Variants in UGT2A2 observed in about 807,000 individuals in gnomAD.
UGT2A2 encodes the protein UDP glucuronosyltransferase family 2 member A2.
UGT2A2 carries 60 observed loss-of-function variants against 50.7 expected under a neutral mutation model. The ratio of observed to expected loss-of-function variants is 1.18; its 90% CI spans 0.96 to 1.47. The LOEUF (loss-of-function observed/expected upper bound fraction) is 1.47, where lower values mean the gene tolerates loss of function less well. Ranked by LOEUF, UGT2A2 falls within the 40% of genes most tolerant of loss-of-function variation. The pLI is 0.00. For missense variants in UGT2A2, 762 were observed against 634.0 expected, an observed-to-expected ratio of 1.20 and a Z score of -2.17; for synonymous variants, 242 against 214.6, an observed-to-expected ratio of 1.13 and a Z score of -1.11.
In UGT2A2 at chr4:69,596,448, C is replaced by G. The variant is rs999261532; in HGVS notation, c.892-67G>C. On this transcript the variant is annotated intron_variant, in intron 2 of 5. Coordinates refer to ENST00000604629, the MANE Select transcript of UGT2A2 (RefSeq NM_001105677.2). The stretch of plus-strand genomic sequence containing the variant: ...ATAAGAAAAAATAAGTTTACTTACA[C>G]ATTTAAGTAGGTAAAATTAAGATAT... The G allele has an allele frequency of 3.6e-6, 5 of 1,408,046 alleles. No individual in the cohort carries two copies. The Admixed American group carries it at 1.3e-4, about 36-fold the overall frequency. 87.2% of individuals were successfully genotyped at this position (1,408,046 alleles called of 1,614,324 possible).
chr4:69,617,016 T>G (rs1173912525), intron 1 of UGT2A2, among the ~76,000 whole-genome samples: 2 of 151,872 alleles, frequency 1.3e-5, no homozygotes, highest in Non-Finnish European at 2.9e-5. Context: ...AATATGTAGC[T>G]GGTGGAAATA....
At chr4:69,618,254 G>A (rs1720535247) in intron 1 of UGT2A2, among the ~76,000 whole-genome samples, 2 of 120,610 alleles carry the variant, frequency 1.7e-5, no homozygotes, top group Non-Finnish European at 3.6e-5. Context: ...TGTGTTGAAG[G>A]GGGAAGAATG....
At chr4:69,597,733 CACAA>C (rs970183907) in intron 2 of UGT2A2, among the ~76,000 whole-genome samples, 29 of 152,014 alleles carry the variant, frequency 1.9e-4, no homozygotes, top group African/African-American at 6.3e-4. Context: ...CACACACACA[CACAA>C]ACATACACAT....
In UGT2A2 at chr4:69,639,628, T is replaced by C. The variant is rs1204020648; in HGVS notation, c.13A>G (p.Arg5Gly). ...AACTTCTTAGGCATGGTAAAATCCCTTATGGAAACCATCCTACTGTAGATC... is the reference window on the plus strand; with the variant it reads ...AACTTCTTAGGCATGGTAAAATCCCCTATGGAAACCATCCTACTGTAGATC... MVSI[R>G]DFTMPKKFVQ... The change falls in exon 1 of 6, where the codon AGG becomes GGG. Residue 5 changes from arginine (R) to glycine (G), a missense_variant. Physicochemically the swap from Arg to Gly is moderately radical, Grantham distance 125. Transcript: ENST00000604629. 3 of 1,582,202 alleles carry C rather than the reference T, an allele frequency of 1.9e-6. No homozygotes were observed. Among genetic ancestry groups the C allele is most frequent in the Non-Finnish European group, 2.6e-6 (3 of 1,168,584 alleles).
chr4:69,637,184 T>C (rs578252074), intron 1 of UGT2A2, among the ~76,000 whole-genome samples: 9 of 152,166 alleles, frequency 5.9e-5, no homozygotes, highest in African/African-American at 9.6e-5. Context: ...GGTTAAATTA[T>C]GCCTTAAAGG....
chr4:69,626,038 C>T (rs568692903), intron 1 of UGT2A2, among the ~76,000 whole-genome samples: 2 of 151,652 alleles, frequency 1.3e-5, no homozygotes, highest in South Asian at 4.1e-4. Context: ...TATGTCATGA[C>T]TGTGAACTTG....
intron 1 of UGT2A2, among the ~76,000 whole-genome samples, chr4:69,638,241 G>C (rs745859579): frequency 2.6e-5 from 4 of 152,064 alleles, no homozygotes; most frequent in Non-Finnish European, 5.9e-5. Context: ...AAAATATAAA[G>C]GGAGGCTCAT....
intron 1 of UGT2A2, among the ~76,000 whole-genome samples, chr4:69,606,604 A>G (rs1409988542): frequency 7.3e-6 from 1 of 136,818 alleles, no homozygotes; most frequent in Non-Finnish European, 1.6e-5. Context: ...AATAAAGGGT[A>G]TTCAATTAGG....
intron 1 of UGT2A2, among the ~76,000 whole-genome samples, chr4:69,622,559 A>G (rs150587793): frequency 1.1e-3 from 160 of 151,888 alleles, no homozygotes; most frequent in African/African-American, 3.8e-3. Context: ...AATCTATATA[A>G]TGGATACAAT....
At chr4:69,626,953 G>A (rs1278789750) in intron 1 of UGT2A2, among the ~76,000 whole-genome samples, 1 of 151,534 alleles carries the variant, frequency 6.6e-6, no homozygotes, top group Non-Finnish European at 1.5e-5. Context: ...GTTTAGACTC[G>A]ACTTCTGTTT....
chr4:69,596,512 G>T, intron 2 of UGT2A2, 131 bp from the exon 3 acceptor site: 1 of 1,247,586 alleles, frequency 8.0e-7, no homozygotes, highest in Non-Finnish European at 1.0e-6. Flanking sequence ...CTTCTGACAT[G>T]TAGAAAGATC....
chr4:69,638,764 A>G lies in UGT2A2; in HGVS notation c.742+135T>C, dbSNP rs1721865975. On this transcript the variant is annotated intron_variant, in intron 1 of 5. Transcript: ENST00000604629. ...TTTATTCAAAGAGAATAATCAGGGA[A>G]TTGTTTGTACAGAGATATAAGAAGT... 2.7e-6 allele frequency: 3 copies of G among 1,117,428 alleles called. No individual in the cohort carries two copies. The African/African-American group carries it at 4.7e-5, about 18-fold the overall frequency. The allele number at this position is 1,117,428 out of a possible 1,614,324, so 69.2% of individuals were successfully genotyped here. A position where few individuals can be genotyped will look rare whatever the true frequency, so the allele number is the denominator to read the frequency against.
At chr4:69,603,445 G>T (rs1012043221) in intron 1 of UGT2A2, 1 of 136,930 alleles carries the variant, frequency 7.3e-6, no homozygotes, top group Non-Finnish European at 1.6e-5. Context: ...ACCAAAGGTA[G>T]ATAAAACCAC....
At chr4:69,627,598 A>G (rs868634930) in intron 1 of UGT2A2, among the ~76,000 whole-genome samples, 7 of 149,112 alleles carry the variant, frequency 4.7e-5, no homozygotes, top group African/African-American at 1.7e-4. Context: ...AAGAAGAAAG[A>G]AAAGAAAGAA....
In UGT2A2 at chr4:69,589,516, G is replaced by T. The variant is rs771825937; in HGVS notation, c.1467C>A (p.Asp489Glu). The change falls in exon 6 of 6, where the codon GAC becomes GAA. Residue 489 changes from aspartate (D) to glutamate (E), a missense_variant. By Grantham distance (45) the Asp-to-Glu change is conservative. Coordinates refer to ENST00000604629, the MANE Select transcript of UGT2A2 (RefSeq NM_001105677.2). ...GAKHLRVAAH[D>E]LTWFQYHSLD... ...AAGAGTGGTACTGGAACCAGGTGAG[G>T]TCATGGGCTGCAACCCGAAGGTGCT... 1.2e-6 allele frequency: 2 copies of T among 1,614,066 alleles called. No individual in the cohort carries two copies. The highest frequency in any genetic ancestry group is 1.7e-5 in the Admixed American group (1 of 59,994).
At chr4:69,616,240 G>T (rs1055356000) in intron 1 of UGT2A2, among the ~76,000 whole-genome samples, 1 of 151,810 alleles carries the variant, frequency 6.6e-6, no homozygotes, top group Admixed American at 6.6e-5. Flanking sequence ...AAGGTCTTGG[G>T]GGGTGGGGAG....
intron 1 of UGT2A2, among the ~76,000 whole-genome samples, chr4:69,611,868 C>T (rs1720081216): frequency 6.6e-6 from 1 of 152,146 alleles, no homozygotes; most frequent in Admixed American, 6.6e-5. Context: ...TAGTTTCCCT[C>T]ATTACACATA....
chr4:69,613,080 T>G (rs577492713), intron 1 of UGT2A2, among the ~76,000 whole-genome samples: 29 of 151,620 alleles, frequency 1.9e-4, no homozygotes, highest in African/African-American at 6.5e-4. Context: ...AAGACATGAA[T>G]AGACACTTCA....
chr4:69,636,755 T>A (rs73824184), intron 1 of UGT2A2, among the ~76,000 whole-genome samples: 16,610 of 152,132 alleles, frequency 0.11, 933 homozygotes, highest in South Asian at 0.21. Context: ...GTAAATAACA[T>A]TTAATATAAG....
Sources: gnomAD v4.1 joint callset for allele counts (sites outside exome capture counted in the v4.1 genomes callset) on GRCh38, gnomAD v4.1.1 for gene constraint, MANE v1.5 for transcripts, NCBI Gene and HGNC (gene_info 2026-07-23, HGNC 2026-07-21) for gene names.